Variants in MUC3A observed in about 807,000 individuals in gnomAD.
MUC3A encodes mucin-3A.
In MUC3A, 109 loss-of-function variants were observed where a neutral mutation model predicts 109.0. That is an observed-to-expected ratio of 1.00 (90% CI 0.86 to 1.17). The LOEUF (loss-of-function observed/expected upper bound fraction) is 1.17. Ranked by LOEUF, MUC3A falls within the 50% of genes most tolerant of loss-of-function variation. The pLI is 0.00. For synonymous variants in MUC3A, 1,398 were observed against 981.4 expected, an observed-to-expected ratio of 1.42 and a Z score of -7.93; for missense variants, 3,537 against 2,469.4, an observed-to-expected ratio of 1.43 and a Z score of -9.16.
rs1792129111 is a variant in MUC3A at position 100,957,477 on chromosome 7, ACC to A, written c.5699_5700del (p.Thr1900IlefsTer6). ...CTTGGTAACCACGACCACCAAGATC[ACC>A]TCACACAGTACTCCTAGCTTCACTT... The part of the protein sequence containing the change: ...TNLVTTTTKI[T>X]SHSTPSFTSS... On this transcript the variant is annotated frameshift_variant, in exon 2 of 12. Coordinates refer to ENST00000379458, the MANE Select transcript of MUC3A (RefSeq NM_005960.2). LOFTEE classifies it high-confidence loss of function. 1 of 1,202,552 alleles carries A rather than the reference ACC, an allele frequency of 8.3e-7. No homozygotes were observed. The highest frequency in any genetic ancestry group is 1.1e-6 in the Non-Finnish European group (1 of 948,250). 74.5% of individuals were successfully genotyped at this position (1,202,552 alleles called of 1,614,324 possible).
At position 100,965,759 on chromosome 7, in the gene MUC3A, G is replaced by A; in HGVS notation, c.9504G>A (p.Val3168=). ...TGYEEFYFPL[V]EATRLRCVTK... ...ATGAAGAGTTCTACTTCCCCTTGGT[G>A]GAGGCCACCCGGCTCCGCTGTGTCA... The change falls in exon 8 of 12, where the codon GTG becomes GTA. Residue 3168 remains valine (V), a synonymous_variant. Transcript: ENST00000379458. The A allele has an allele frequency of 6.3e-7, 1 of 1,598,460 alleles. No homozygotes were observed. Among genetic ancestry groups the A allele is most frequent in the Non-Finnish European group, 8.5e-7 (1 of 1,179,786 alleles).
intron 3 of MUC3A, among the ~76,000 whole-genome samples, chr7:100,962,127 G>A (rs1455481374): frequency 1.0e-5 from 1 of 98,606 alleles, no homozygotes; most frequent in Non-Finnish European, 2.3e-5. Context: ...AGCTACTTGG[G>A]AGGCTGAGGC....
rs752732547 is a variant in MUC3A at position 100,958,822 on chromosome 7, C to T, written c.7043C>T (p.Thr2348Ile). ...TRSFTSSITT[T>I]ETNSHSTTSF... ...AGCTTCACTTCTTCGATCACCACCA[C>T]CGAGACCAACTCTCACAGTACTACC... The change falls in exon 2 of 12, where the codon ACC (threonine) becomes ATC (isoleucine). Residue 2348 changes from threonine (T) to isoleucine (I), a missense_variant. Physicochemically the swap from Thr to Ile is moderately conservative, Grantham distance 89. Transcript: ENST00000379458. The T allele has an allele frequency of 6.5e-7, 1 of 1,531,954 alleles. No homozygotes were observed. The highest frequency in any genetic ancestry group is 1.4e-5 in the African/African-American group (1 of 72,404). The allele number at this position is 1,531,954 out of a possible 1,614,324, so 94.9% of individuals were successfully genotyped here. A position where few individuals can be genotyped will look rare whatever the true frequency, so the allele number is the denominator to read the frequency against.
Position 100,954,170 on chromosome 7 carries a change from C to T in MUC3A, c.2391C>T (p.Pro797=). 1 of 477,044 alleles carries T rather than the reference C, an allele frequency of 2.1e-6. No individual in the cohort carries two copies. Among genetic ancestry groups the T allele is most frequent in the Non-Finnish European group, 3.5e-6 (1 of 286,748 alleles). 29.6% of individuals were successfully genotyped at this position (477,044 alleles called of 1,614,324 possible). A position where few individuals can be genotyped will look rare whatever the true frequency, so the allele number is the denominator to read the frequency against. The change falls in exon 2 of 12, where the codon CCC becomes CCT. Residue 797 remains proline (P), a synonymous_variant. Coordinates refer to ENST00000379458, the MANE Select transcript of MUC3A (RefSeq NM_005960.2). ...STYTTAITSV[P]TTLGTMVTST... ...ACACAACTGCCATCACCTCAGTTCCCACTACGTTGGGTACCATGGTAACTT... is the reference window on the plus strand; with the variant it reads ...ACACAACTGCCATCACCTCAGTTCCTACTACGTTGGGTACCATGGTAACTT...
chr7:100,960,370 C>T lies in MUC3A; in HGVS notation c.8591C>T (p.Thr2864Ile), dbSNP rs1186760257. The change falls in exon 2 of 12, where the codon ACT becomes ATT. Residue 2864 changes from threonine (T) to isoleucine (I), a missense_variant. Coordinates refer to ENST00000379458, the MANE Select transcript of MUC3A (RefSeq NM_005960.2). The stretch of plus-strand genomic sequence containing the variant: ...CCCACAAACACAGTTTTCACAAGTA[C>T]TCGACTGCCCACCAGTGAGACCTGG... Reference protein sequence around the residue: ...TVPTNTVFTSTRLPTSETWLS... With the variant: ...TVPTNTVFTSIRLPTSETWLS... 6.3e-7 allele frequency: 1 copy of T among 1,598,424 alleles called. No individual in the cohort carries two copies. The highest frequency in any genetic ancestry group is 8.5e-7 in the Non-Finnish European group (1 of 1,179,840).
Position 100,964,707 on chromosome 7 carries a change from C to T in MUC3A, c.9246C>T (p.Ile3082=), listed in dbSNP as rs140570084. 1.4e-3 allele frequency: 2,260 copies of T among 1,597,296 alleles called. No individual in the cohort carries two copies. The East Asian group carries it at 0.048, about 34-fold the overall frequency. Residue 3082 remains isoleucine, a synonymous_variant, in exon 6 of 12, where the codon ATC becomes ATT. Coordinates refer to ENST00000379458, the MANE Select transcript of MUC3A (RefSeq NM_005960.2). ...VEILSLRNGS[I]VVDYLVLLEM... The stretch of plus-strand genomic sequence containing the variant: ...GTGGACCCCTCAGGAATGGCAGCAT[C>T]GTGGTGGACTACCTGGTCCTGCTGG...
Position 100,958,096 on chromosome 7 carries a change from G to C in MUC3A, c.6317G>C (p.Ser2106Thr), listed in dbSNP as rs1792149237. ...ACCACCACTGAGACCACCTCACACA[G>C]TACTCCCAGCTTCACTTCCTCAATC... ...SITTTETTSH[S>T]TPSFTSSITT... Residue 2106 changes from serine to threonine, a missense_variant, in exon 2 of 12, where the codon AGT (serine) becomes ACT (threonine). Coordinates refer to ENST00000379458, the MANE Select transcript of MUC3A (RefSeq NM_005960.2). 3 of 605,404 alleles carry C rather than the reference G, an allele frequency of 5.0e-6. No individual in the cohort carries two copies. The highest frequency in any genetic ancestry group is 8.8e-6 in the Non-Finnish European group (3 of 340,264). 37.5% of individuals were successfully genotyped at this position (605,404 alleles called of 1,614,324 possible).
At position 100,967,494 on chromosome 7, in the gene MUC3A, CG is replaced by C. The variant is rs1792643808; in HGVS notation, c.*334del. The C allele has an allele frequency of 1.8e-6, 1 of 542,350 alleles. No individual in the cohort carries two copies. Among genetic ancestry groups the C allele is most frequent in the Non-Finnish European group, 3.3e-6 (1 of 306,004 alleles). 33.6% of individuals were successfully genotyped at this position (542,350 alleles called of 1,614,324 possible). ...AAACCACATAGACTTGGTCAATTCT[CG>C]GTCCTACTCTGCCCTCCCGTCTCAG... is the stretch of plus-strand genomic sequence containing the variant. On this transcript the variant is annotated 3_prime_UTR_variant, in exon 12 of 12. Coordinates refer to ENST00000379458, the MANE Select transcript of MUC3A (RefSeq NM_005960.2).
rs768173552 is a variant in MUC3A, at chr7:100,966,472, C to T, written c.9698C>T (p.Ala3233Val). ...HWRALVGGLT[A>V]GAALLVLLLL... ...AGGGCGCTGGTCGGGGGCCTGACGGCCGGCGCCGCGCTGCTGGTGCTGCTG... is the reference window on the plus strand; with the variant it reads ...AGGGCGCTGGTCGGGGGCCTGACGGTCGGCGCCGCGCTGCTGGTGCTGCTG... Residue 3233 changes from alanine (A) to valine (V), a missense_variant, in exon 9 of 12, where the codon GCC (alanine) becomes GTC (valine). By Grantham distance (64) the Ala-to-Val change is moderately conservative. Transcript: ENST00000379458. 3 of 1,330,184 alleles carry T rather than the reference C, an allele frequency of 2.3e-6. No individual in the cohort carries two copies. Among genetic ancestry groups the T allele is most frequent in the Non-Finnish European group, 1.9e-6 (2 of 1,048,618 alleles). The allele number at this position is 1,330,184 out of a possible 1,614,324, so 82.4% of individuals were successfully genotyped here.
rs587655393 is a variant in MUC3A, at chr7:100,967,149, C to A, written c.9959C>A (p.Ser3320Ter). Residue 3320 changes from serine to a stop codon, truncating the protein, a stop_gained, in exon 12 of 12, where the codon TCG becomes TAG. Coordinates refer to ENST00000379458, the MANE Select transcript of MUC3A (RefSeq NM_005960.2). LOFTEE classifies it high-confidence loss of function. ...KVHIKRPEMT[S>*]SSV ...CACATCAAGAGACCCGAGATGACCT[C>A]GTCCTCAGTGTGAGCCCTGCGGGGC... 23 of 1,598,532 alleles carry A rather than the reference C, an allele frequency of 1.4e-5. No individual in the cohort carries two copies. In the African/African-American group the frequency reaches 2.4e-4, roughly 17 times the overall value.
chr7:100,952,894 C>A lies in MUC3A; in HGVS notation c.1115C>A (p.Ser372Tyr). The change falls in exon 2 of 12, where the codon TCC becomes TAC. Residue 372 changes from serine to tyrosine, a missense_variant. Transcript: ENST00000379458. ...GAGACTTCTCTCCCACCCACCTCTT[C>A]CTCTCTCCCAACCACAGAAACAGCC... ...STETSLPPTS[S>Y]SLPTTETATT... 6.8e-7 allele frequency: 1 copy of A among 1,480,578 alleles called. No individual in the cohort carries two copies. Among genetic ancestry groups the A allele is most frequent in the Non-Finnish European group, 8.9e-7 (1 of 1,123,248 alleles). The allele number at this position is 1,480,578 out of a possible 1,614,324, so 91.7% of individuals were successfully genotyped here.
intron 7 of MUC3A, 120 bp from the exon 8 acceptor site, chr7:100,965,584 C>T (rs1214370690): frequency 6.7e-7 from 1 of 1,499,650 alleles, no homozygotes; most frequent in Non-Finnish European, 8.9e-7. Flanking sequence ...GGGTCTACCC[C>T]ACAGCATCCC....
At position 100,957,077 on chromosome 7, in the gene MUC3A, A is replaced by G; in HGVS notation, c.5298A>G (p.Ser1766=). 2.1e-6 allele frequency: 1 copy of G among 471,262 alleles called. No individual in the cohort carries two copies. The highest frequency in any genetic ancestry group is 6.3e-5 in the South Asian group (1 of 15,798). The allele number at this position is 471,262 out of a possible 1,614,324, so 29.2% of individuals were successfully genotyped here. A position where few individuals can be genotyped will look rare whatever the true frequency, so the allele number is the denominator to read the frequency against. Residue 1766 remains serine (S), a synonymous_variant, in exon 2 of 12, where the codon TCA becomes TCG. Coordinates refer to ENST00000379458, the MANE Select transcript of MUC3A (RefSeq NM_005960.2). The stretch of plus-strand genomic sequence containing the variant: ...GTTCTACTCCCCCCATCACTTCTTC[A>G]ATCACCTCCACATATACGGTGACTT... ...AVSSTPPITS[S]ITSTYTVTSM...
intron 6 of MUC3A, 40 bp downstream of exon 6, chr7:100,964,883 T>C: frequency 6.4e-7 from 1 of 1,569,244 alleles, no homozygotes; most frequent in Non-Finnish European, 8.6e-7. Context: ...GCCTGAGGTG[T>C]CACCCCAGCC....
chr7:100,961,965 C>CTGGG (rs1584808692), intron 3 of MUC3A, among the ~76,000 whole-genome samples: 10 of 43,366 alleles, frequency 2.3e-4, no homozygotes, highest in South Asian at 1.3e-3. Flanking sequence ...TAAAAACTTA[C>CTGGG]CTCACGCCTG....
At position 100,953,400 on chromosome 7, in the gene MUC3A, G is replaced by T. The variant is rs1792024208; in HGVS notation, c.1621G>T (p.Ala541Ser). The T allele has an allele frequency of 3.9e-6, 2 of 512,530 alleles. No homozygotes were observed. Among genetic ancestry groups the T allele is most frequent in the African/African-American group, 3.9e-5 (2 of 51,316 alleles). 31.7% of individuals were successfully genotyped at this position (512,530 alleles called of 1,614,324 possible). A position where few individuals can be genotyped will look rare whatever the true frequency, so the allele number is the denominator to read the frequency against. The part of the protein sequence containing the change: ...ATYSFSSSMS[A>S]SSAGTTHTES... ...ATATTCATTTTCATCTTCCATGTCT[G>T]CCAGCAGTGCTGGGACCACTCACAC... is the stretch of plus-strand genomic sequence containing the variant. The change falls in exon 2 of 12, where the codon GCC becomes TCC. Residue 541 changes from alanine to serine, a missense_variant. By Grantham distance (99) the Ala-to-Ser change is moderately conservative. Coordinates refer to ENST00000379458, the MANE Select transcript of MUC3A (RefSeq NM_005960.2).
chr7:100,956,082 C>G lies in MUC3A; in HGVS notation c.4303C>G (p.His1435Asp), dbSNP rs1792088654. ...CCCAAGCACAGAGGTGACCACCAGT[C>G]ATACCACAAACACCAATCCTGTATC... ...PVPSTEVTTS[H>D]TTNTNPVSTL... Residue 1435 changes from histidine to aspartate, a missense_variant, in exon 2 of 12, where the codon CAT becomes GAT. His to Asp is a moderately conservative substitution (Grantham distance 81). Transcript: ENST00000379458. 3 of 439,830 alleles carry G rather than the reference C, an allele frequency of 6.8e-6. No individual in the cohort carries two copies. Among genetic ancestry groups the G allele is most frequent in the African/African-American group, 2.0e-5 (1 of 49,312 alleles). The allele number at this position is 439,830 out of a possible 1,614,324, so 27.2% of individuals were successfully genotyped here.
Position 100,967,261 on chromosome 7 carries a change from CA to C in MUC3A, c.*100del. Reference sequence around the variant, plus strand: ...AGGTGGCCCCAGGACGCGGGCAGCCCAGGCTCCTGCTGTTCTTGGGCAAGAT... The same window carrying C: ...AGGTGGCCCCAGGACGCGGGCAGCCCGGCTCCTGCTGTTCTTGGGCAAGAT... On this transcript the variant is annotated 3_prime_UTR_variant, in exon 12 of 12. Coordinates refer to ENST00000379458, the MANE Select transcript of MUC3A (RefSeq NM_005960.2). 5.2e-6 allele frequency: 8 copies of C among 1,543,200 alleles called. No individual in the cohort carries two copies. The highest frequency in any genetic ancestry group is 7.0e-6 in the Non-Finnish European group (8 of 1,142,906).
chr7:100,961,045 G>A lies in MUC3A; in HGVS notation c.9052+108G>A, dbSNP rs542817582. On this transcript the variant is annotated intron_variant, in intron 3 of 11. Coordinates refer to ENST00000379458, the MANE Select transcript of MUC3A (RefSeq NM_005960.2). The stretch of plus-strand genomic sequence containing the variant: ...TGGAGGCACCCATGCCTTTTTGCCC[G>A]GTCCTTCCCTCCCTGCCATCTCTCC... 1.7e-4 allele frequency: 272 copies of A among 1,564,388 alleles called. No individual in the cohort carries two copies. The African/African-American group carries it at 2.7e-3, about 15-fold the overall frequency.
Sources: gnomAD v4.1 joint callset for allele counts (sites outside exome capture counted in the v4.1 genomes callset) on GRCh38, gnomAD v4.1.1 for gene constraint, MANE v1.5 for transcripts, NCBI Gene and HGNC (gene_info 2026-07-23, HGNC 2026-07-21) for gene names.